The following PKM variants were observed in gnomAD, a reference collection of about 807,000 sequenced individuals.
PKM encodes the protein pyruvate kinase PKM.
A neutral mutation model predicts 49.8 loss-of-function variants in PKM; 18 were observed. The ratio of observed to expected loss-of-function variants is 0.36; its 90% CI spans 0.25 to 0.54. The LOEUF is 0.54. Ranked by LOEUF, PKM falls within the 20% of genes least tolerant of loss-of-function variation. The pLI, the probability that PKM is intolerant of heterozygous loss-of-function variation, is 0.89. For synonymous variants in PKM, 239 were observed against 261.8 expected (o/e 0.91, Z 0.84); for missense variants, 508 against 713.8 (o/e 0.71, Z 3.28).
At position 72,208,644 on chromosome 15, in the gene PKM, G is replaced by A. The variant is rs778442082; in HGVS notation, c.813C>T (p.Ile271=). The change falls in exon 6 of 11, where the codon ATC becomes ATT. Residue 271 remains isoleucine, a synonymous_variant. Transcript: ENST00000335181. ...KGKNIKIISK[I]ENHEGVRRFD... Reference sequence around the variant, plus strand: ...GCCTCCGAACCCCCTCATGATTCTCGATTTTGCTGATAATCTTGATGTTCT... The same window carrying A: ...GCCTCCGAACCCCCTCATGATTCTCAATTTTGCTGATAATCTTGATGTTCT... 8.7e-6 allele frequency: 14 copies of A among 1,613,926 alleles called. No homozygotes were observed. Among genetic ancestry groups the A allele is most frequent in the South Asian group, 3.3e-5 (3 of 91,074 alleles).
intron 1 of PKM, among the ~76,000 whole-genome samples, chr15:72,220,935 G>C (rs190710225): frequency 6.6e-5 from 10 of 152,342 alleles, no homozygotes; most frequent in East Asian, 1.9e-4. Context: ...GCTGTTAAGG[G>C]AACATTACTG....
At chr15:72,226,332 C>T (rs1209425944) in intron 1 of PKM, among the ~76,000 whole-genome samples, 1 of 152,110 alleles carries the variant, frequency 6.6e-6, no homozygotes, top group Non-Finnish European at 1.5e-5. Flanking sequence ...CTGAGACCAT[C>T]CTGGCTAACA....
At position 72,199,724 on chromosome 15, in the gene PKM, C is replaced by T; in HGVS notation, c.1522G>A (p.Val508Met). The change falls in exon 11 of 11, where the codon GTG (valine) becomes ATG (methionine). Residue 508 changes from valine (V) to methionine (M), a missense_variant. Transcript: ENST00000335181. ...CGCCATCCGGTCAGCACAATGACCA[C>T]ATCTCCCTTCTTGAAGAAGCCTCGG... ...KARGFFKKGD[V>M]VIVLTGWRPG... The T allele has an allele frequency of 6.2e-7, 1 of 1,613,958 alleles. No homozygotes were observed.
chr15:72,206,629 T>A, intron 8 of PKM, 99 bp downstream of exon 8: 1 of 1,183,418 alleles, frequency 8.5e-7, no homozygotes, highest in Non-Finnish European at 1.3e-6. Context: ...AGGCTGTGCA[T>A]AAGAGGATGG....
intron 1 of PKM, 127 bp downstream of exon 1, chr15:72,230,989 C>A (rs1227388967): frequency 1.6e-6 from 2 of 1,281,246 alleles, no homozygotes; most frequent in South Asian, 2.5e-5. Flanking sequence ...CCACTGCATC[C>A]CAGACGCCCT....
At chr15:72,230,946 A>C in intron 1 of PKM, 170 bp downstream of exon 1, 1 of 1,287,136 alleles carries the variant, frequency 7.8e-7, no homozygotes, top group South Asian at 1.2e-5. Context: ...AGCAGGCCCC[A>C]GGCGTGAGGA....
intron 2 of PKM, 115 bp from the exon 3 acceptor site, chr15:72,217,615 G>A: frequency 1.4e-6 from 1 of 718,558 alleles, no homozygotes. Context: ...CTCCCAAATA[G>A]CTCAAAAGTC....
chr15:72,227,770 A>AC (rs2082718303), intron 1 of PKM, among the ~76,000 whole-genome samples: 1 of 62,028 alleles, frequency 1.6e-5, no homozygotes, highest in African/African-American at 5.2e-5. Context: ...AAAAAAAAAA[A>AC]AAAACAAAAA....
intron 3 of PKM, among the ~76,000 whole-genome samples, chr15:72,211,346 C>A (rs544393892): frequency 7.3e-4 from 111 of 152,246 alleles, no homozygotes; most frequent in African/African-American, 2.6e-3. Context: ...GGATTACAGG[C>A]GTGAGCCACT....
chr15:72,202,637 C>T lies in PKM; in HGVS notation c.1141-17G>A, dbSNP rs752569186. On this transcript the variant is annotated splice_polypyrimidine_tract_variant and intron_variant, in intron 8 of 10. Coordinates refer to ENST00000335181, the MANE Select transcript of PKM (RefSeq NM_002654.6). The surrounding 1 kb of genome is among the most constrained non-coding windows in gnomAD (Gnocchi z 4.5). ...ACGGGCAATCTAGGGGAGCAACATCCGTCCAGAGGGACGAGAGGGGGACAG... is the reference window on the plus strand; with the variant it reads ...ACGGGCAATCTAGGGGAGCAACATCTGTCCAGAGGGACGAGAGGGGGACAG... 4 of 1,608,984 alleles carry T rather than the reference C, an allele frequency of 2.5e-6. No homozygotes were observed. Among genetic ancestry groups the T allele is most frequent in the African/African-American group, 1.3e-5 (1 of 74,808 alleles).
chr15:72,206,580 C>T (rs1237471746), intron 8 of PKM, 148 bp downstream of exon 8: 2 of 767,328 alleles, frequency 2.6e-6, no homozygotes, highest in Non-Finnish European at 4.2e-6. Context: ...TCCACTTCCA[C>T]CCCCACCCTC....
rs978437292 is a variant in PKM, at chr15:72,202,613, C to T, written c.1148G>A (p.Arg383His). Reference protein sequence around the residue: ...EAVRMQHLIAREAEAAIYHLQ... With the variant: ...EAVRMQHLIAHEAEAAIYHLQ... ...GTGGTAGATGGCAGCCTCTGCCTCA[C>T]GGGCAATCTAGGGGAGCAACATCCG... Residue 383 changes from arginine (R) to histidine (H), a missense_variant, in exon 9 of 11, where the codon CGT becomes CAT. Physicochemically the swap from Arg to His is conservative, Grantham distance 29. Coordinates refer to ENST00000335181, the MANE Select transcript of PKM (RefSeq NM_002654.6). The surrounding 1 kb of genome is among the most constrained non-coding windows in gnomAD (Gnocchi z 4.5). 5 of 1,612,536 alleles carry T rather than the reference C, an allele frequency of 3.1e-6. No individual in the cohort carries two copies. The highest frequency in any genetic ancestry group is 4.2e-6 in the Non-Finnish European group (5 of 1,179,390).
In PKM at chr15:72,207,243, T is replaced by A. The variant is rs1473358020; in HGVS notation, c.871A>T (p.Met291Leu). ...ATGCCTAGATCACCACGAGCCACCA[T>A]GATCCCATCACTGGCCTCCAGGATT... is the stretch of plus-strand genomic sequence containing the variant. ...DEILEASDGI[M>L]VARGDLGIEI... is the part of the protein sequence containing the mutation. Residue 291 changes from methionine (M) to leucine (L), a missense_variant, in exon 7 of 11, where the codon ATG (methionine) becomes TTG (leucine). Met to Leu is a conservative substitution (Grantham distance 15). Transcript: ENST00000335181. The A allele has an allele frequency of 1.2e-6, 2 of 1,614,118 alleles. No homozygotes were observed. Among genetic ancestry groups the A allele is most frequent in the Non-Finnish European group, 8.5e-7 (1 of 1,179,976 alleles).
In PKM at chr15:72,209,577, A is replaced by C; in HGVS notation, c.565+96T>G. ...CCTGAGAACACACAGACTCAATCTCACTGCCAGGCAACCAACCTTCCCATC... is the reference window on the plus strand; with the variant it reads ...CCTGAGAACACACAGACTCAATCTCCCTGCCAGGCAACCAACCTTCCCATC... On this transcript the variant is annotated intron_variant, in intron 5 of 10. Transcript: ENST00000335181. 3 of 1,015,352 alleles carry C rather than the reference A, an allele frequency of 3.0e-6. No individual in the cohort carries two copies. The East Asian group carries it at 7.1e-5, about 24-fold the overall frequency. 62.9% of individuals were successfully genotyped at this position (1,015,352 alleles called of 1,614,324 possible). A position where few individuals can be genotyped will look rare whatever the true frequency, so the allele number is the denominator to read the frequency against.
At chr15:72,231,324 C>T (rs2082867076), upstream of PKM, 1 of 155,498 alleles carries the variant, frequency 6.4e-6, no homozygotes, top group East Asian at 1.9e-4. Context: ...GCGCAGTCAC[C>T]TTCAGGAGGA....
chr15:72,207,812 G>A (rs542687028), intron 6 of PKM, among the ~76,000 whole-genome samples: 127 of 152,380 alleles, frequency 8.3e-4, no homozygotes, highest in African/African-American at 2.9e-3. Flanking sequence ...ATGGCAAAGG[G>A]GAGGACCCCA....
Position 72,208,873 on chromosome 15 carries a change from G to T in PKM, c.584C>A (p.Thr195Lys). Residue 195 changes from threonine to lysine, a missense_variant, in exon 6 of 11, where the codon ACG becomes AAG. Physicochemically the swap from Thr to Lys is moderately conservative, Grantham distance 78 (BLOSUM62 -1). Transcript: ENST00000335181. ...CAAGGAGCCACCATTTTCCACCTCCGTCACCAGGAAGTCGGCACCTGTATG... is the reference window on the plus strand; with the variant it reads ...CAAGGAGCCACCATTTTCCACCTCCTTCACCAGGAAGTCGGCACCTGTATG... ...VKQKGADFLV[T>K]EVENGGSLGS... The T allele has an allele frequency of 6.2e-7, 1 of 1,613,940 alleles. No homozygotes were observed. The highest frequency in any genetic ancestry group is 8.5e-7 in the Non-Finnish European group (1 of 1,179,946).
chr15:72,228,534 CTTT>C, intron 1 of PKM: 1 of 739,840 alleles, frequency 1.4e-6, no homozygotes, highest in Non-Finnish European at 2.1e-6. Flanking sequence ...GGAGAAGGGA[CTTT>C]TTAAGCCTGC....
Position 72,202,892 on chromosome 15 carries a change from T to G in PKM, c.1141-272A>C. On this transcript the variant is annotated intron_variant, in intron 8 of 10. Coordinates refer to ENST00000335181, the MANE Select transcript of PKM (RefSeq NM_002654.6). The surrounding 1 kb of genome is among the most constrained non-coding windows in gnomAD (Gnocchi z 4.5). Reference sequence around the variant, plus strand: ...TGGTCCTGCCCTGCCATGACCTCCCTGGCGGTGTTCCTACAGACGAGAAGA... The same window carrying G: ...TGGTCCTGCCCTGCCATGACCTCCCGGGCGGTGTTCCTACAGACGAGAAGA... 1 of 989,692 alleles carries G rather than the reference T, an allele frequency of 1.0e-6. No individual in the cohort carries two copies. Among genetic ancestry groups the G allele is most frequent in the Non-Finnish European group, 1.6e-6 (1 of 630,368 alleles). The allele number at this position is 989,692 out of a possible 1,614,324, so 61.3% of individuals were successfully genotyped here. A position where few individuals can be genotyped will look rare whatever the true frequency, so the allele number is the denominator to read the frequency against.
Sources: gnomAD v4.1 joint callset for allele counts (sites outside exome capture counted in the v4.1 genomes callset) on GRCh38, gnomAD v4.1.1 for gene constraint, Gnocchi (gnomAD v3.1) non-coding constraint, MANE v1.5 for transcripts, NCBI Gene and HGNC (gene_info 2026-07-23, HGNC 2026-07-21) for gene names.